Variants in COMMD6 observed in about 807,000 individuals in gnomAD.
The protein encoded by COMMD6 is COMM domain-containing protein 6.
A neutral mutation model predicts 13.4 loss-of-function variants in COMMD6; 11 were observed. The ratio of observed to expected loss-of-function variants is 0.82; its 90% CI spans 0.52 to 1.36. The LOEUF is 1.36. Among genes scored for constraint, COMMD6 ranks in the 40% most tolerant of loss-of-function variants. The probability of loss-of-function intolerance (pLI) is 0.00; values close to 1 mark genes in which losing one functional copy is unlikely to be tolerated. For missense variants in COMMD6, 124 were observed against 102.4 expected, an observed-to-expected ratio of 1.21 and a Z score of -0.91; for synonymous variants, 43 against 36.5, an observed-to-expected ratio of 1.18 and a Z score of -0.64.
chr13:75,546,668 A>G (rs1011861876), intron 1 of COMMD6, among the ~76,000 whole-genome samples: 2 of 152,272 alleles, frequency 1.3e-5, no homozygotes, highest in Non-Finnish European at 2.9e-5. Context: ...TTATACTGTC[A>G]ATGCTAAAGA....
At chr13:75,540,871 A>G (rs1280795942), upstream of COMMD6, among the ~76,000 whole-genome samples, 4 of 152,224 alleles carry the variant, frequency 2.6e-5, no homozygotes, top group African/African-American at 9.6e-5. Context: ...TCTCATGAGC[A>G]TTATGGTGTA....
upstream of COMMD6, among the ~76,000 whole-genome samples, chr13:75,541,622 G>A (rs532390490): frequency 4.3e-4 from 66 of 152,098 alleles, no homozygotes; most frequent in South Asian, 3.9e-3. Context: ...TTCATAAGGC[G>A]TAGAGTTGTG....
At position 75,526,324 on chromosome 13, in the gene COMMD6, T is replaced by C. The variant is rs2030253088; in HGVS notation, c.*265A>G. 3.0e-6 allele frequency: 1 copy of C among 331,530 alleles called. No individual in the cohort carries two copies. Among genetic ancestry groups the C allele is most frequent in the Admixed American group, 4.7e-5 (1 of 21,254 alleles). The allele number at this position is 331,530 out of a possible 1,614,324, so 20.5% of individuals were successfully genotyped here. Reference sequence around the variant, plus strand: ...CTGCCTCCAACAGCAATGATTCAACTGTTAGTCTGATTACATCATTCACAT... The same window carrying C: ...CTGCCTCCAACAGCAATGATTCAACCGTTAGTCTGATTACATCATTCACAT... On this transcript the variant is annotated 3_prime_UTR_variant, in exon 4 of 4. Transcript: ENST00000682242.
At chr13:75,537,120 G>A (rs1263498914) in intron 2 of COMMD6, among the ~76,000 whole-genome samples, 4 of 152,152 alleles carry the variant, frequency 2.6e-5, no homozygotes, top group Non-Finnish European at 4.4e-5. Context: ...TCTAGTTTTA[G>A]TACTCCTATT....
rs2030201923 is a variant in COMMD6, at chr13:75,525,290, A to G, written c.*1299T>C. The G allele has an allele frequency of 6.6e-6, 1 of 152,192 alleles. No individual in the cohort carries two copies. The highest frequency in any genetic ancestry group is 1.5e-5 in the Non-Finnish European group (1 of 68,024). The allele number at this position is 152,192 out of a possible 1,614,324, so 9.4% of individuals were successfully genotyped here. On this transcript the variant is annotated 3_prime_UTR_variant, in exon 4 of 4. Coordinates refer to ENST00000682242, the MANE Select transcript of COMMD6 (RefSeq NM_203495.4). ...AGGGCCTAACTTTGGGTCTTTTTGC[A>G]TATTGCCTTAAACCTAGAAATGCTA...
At position 75,545,683 on chromosome 13, in the gene COMMD6, G is replaced by A. The variant is rs567627449; in HGVS notation, n.106+3640C>T. ...AGACCGGGTTTCACCATGTTAGCCA[G>A]GATGGTCTAGATCTCCTGACCTCAT... On this transcript the variant is annotated intron_variant and non_coding_transcript_variant, in intron 1 of 2. Transcript: ENST00000460675. Among the ~76,000 whole-genome samples the A allele has an allele frequency of 2.0e-5, 3 of 152,188 alleles. No individual in the cohort carries two copies. The East Asian group carries it at 5.8e-4, about 29-fold the overall frequency.
chr13:75,531,464 A>G (rs2030476782), intron 2 of COMMD6, among the ~76,000 whole-genome samples: 1 of 152,226 alleles, frequency 6.6e-6, no homozygotes, highest in African/African-American at 2.4e-5. Context: ...CTTTGCACCA[A>G]TCTCCTACAG....
At chr13:75,537,443 C>G in intron 2 of COMMD6, 1 of 1,551,462 alleles carries the variant, frequency 6.4e-7, no homozygotes, top group East Asian at 2.4e-5. Context: ...GATCTGCATT[C>G]TTCGGGCTAG....
intron 1 of COMMD6, among the ~76,000 whole-genome samples, chr13:75,547,528 A>G (rs2030923136): frequency 6.6e-6 from 1 of 152,198 alleles, no homozygotes; most frequent in Admixed American, 6.5e-5. Flanking sequence ...GTGATGCCCA[A>G]TCTTGGGCTC....
intron 2 of COMMD6, among the ~76,000 whole-genome samples, chr13:75,531,418 A>C (rs2030475222): frequency 6.6e-6 from 1 of 152,188 alleles, no homozygotes; most frequent in Admixed American, 6.5e-5. Context: ...CATTTTTATA[A>C]AAGGGGGACC....
At chr13:75,537,459 G>A (rs771316373) in intron 2 of COMMD6, 11 of 1,551,548 alleles carry the variant, frequency 7.1e-6, no homozygotes, top group Non-Finnish European at 9.6e-6. Flanking sequence ...GCTAGTGCAG[G>A]GTGGGGAAGA....
upstream of COMMD6, chr13:75,537,907 C>G (rs1359648487): frequency 5.6e-6 from 7 of 1,239,242 alleles, no homozygotes; most frequent in Non-Finnish European, 7.9e-6. Flanking sequence ...ATGGGGCGGA[C>G]GTAGCAGGGG....
At chr13:75,536,850 G>A (rs1190723177) in intron 2 of COMMD6, among the ~76,000 whole-genome samples, 1 of 152,224 alleles carries the variant, frequency 6.6e-6, no homozygotes, top group African/African-American at 2.4e-5. Flanking sequence ...AAAACTTAAC[G>A]TAAGAGAATG....
At chr13:75,540,210 A>G (rs1446699695), upstream of COMMD6, among the ~76,000 whole-genome samples, 1 of 151,692 alleles carries the variant, frequency 6.6e-6, no homozygotes, top group Non-Finnish European at 1.5e-5. Flanking sequence ...AGCTCAGGCA[A>G]TCTGCCCGCC....
chr13:75,537,715 T>C (rs746026664), intron 1 of COMMD6, 40 bp from the exon 2 acceptor site: 2 of 1,614,006 alleles, frequency 1.2e-6, no homozygotes, highest in East Asian at 2.2e-5. Context: ...GAAACATCTT[T>C]CTTGCTCCAG....
At chr13:75,545,176 G>C (rs952227703) in intron 1 of COMMD6, among the ~76,000 whole-genome samples, 1 of 152,212 alleles carries the variant, frequency 6.6e-6, no homozygotes, top group African/African-American at 2.4e-5. Context: ...CAGGAAGGAA[G>C]CTGGACATAC....
intron 1 of COMMD6, among the ~76,000 whole-genome samples, chr13:75,549,041 G>A (rs1331642935): frequency 1.3e-5 from 2 of 152,116 alleles, no homozygotes; most frequent in Non-Finnish European, 2.9e-5. Context: ...TTTTCAGGAA[G>A]ACTTCTGGAC....
chr13:75,537,984 T>C (rs1033083855), upstream of COMMD6: 12 of 509,474 alleles, frequency 2.4e-5, no homozygotes, highest in Non-Finnish European at 4.0e-5. Context: ...TTAGGAGACA[T>C]TGAGCTAAAA....
intron 3 of COMMD6, among the ~76,000 whole-genome samples, chr13:75,527,595 A>ATATGAT (rs1195154908): frequency 1.3e-5 from 2 of 152,142 alleles, no homozygotes; most frequent in African/African-American, 4.8e-5. Context: ...TTTATATTTA[A>ATATGAT]TATGATTATA....
Sources: gnomAD v4.1 joint callset for allele counts (sites outside exome capture counted in the v4.1 genomes callset) on GRCh38, gnomAD v4.1.1 for gene constraint, MANE v1.5 for transcripts, NCBI Gene and HGNC (gene_info 2026-07-23, HGNC 2026-07-21) for gene names.